Variants in TAP2 observed in about 807,000 individuals in gnomAD.
TAP2 encodes the protein antigen peptide transporter 2.
A neutral mutation model predicts 74.7 loss-of-function variants in TAP2; 49 were observed. The ratio of observed to expected loss-of-function variants is 0.66; its 90% confidence interval spans 0.52 to 0.83. TAP2 has a LOEUF of 0.83. TAP2 is among the 40% of genes least tolerant of loss of function. TAP2 has a pLI of 0.00. For synonymous variants in TAP2, 306 were observed against 368.4 expected (o/e 0.83, Z 1.94); for missense variants, 739 against 859.0 (o/e 0.86, Z 1.75).
intron 3 of TAP2, among the ~76,000 whole-genome samples, chr6:32,836,325 C>A (rs553942835): frequency 6.6e-6 from 1 of 152,290 alleles, no homozygotes; most frequent in African/African-American, 2.4e-5. Flanking sequence ...CCCTCTTAGA[C>A]CAACTACATG....
Position 32,828,680 on chromosome 6 carries a change from C to CCACCAT in TAP2, c.*225_*226insATGGTG. 2.1e-6 allele frequency: 2 copies of CCACCAT among 954,466 alleles called. No homozygotes were observed. Among genetic ancestry groups the CCACCAT allele is most frequent in the Non-Finnish European group, 2.5e-6 (2 of 790,140 alleles). The allele number at this position is 954,466 out of a possible 1,614,324, so 59.1% of individuals were successfully genotyped here. A position where few individuals can be genotyped will look rare whatever the true frequency, so the allele number is the denominator to read the frequency against. ...AAGTTTCCTGGACACAGACAGCCCC[C>CCACCAT]ACCCCACCCCACCCCACCTCTCTAC... On this transcript the variant is annotated 3_prime_UTR_variant, in exon 12 of 12. Coordinates refer to ENST00000374897, the MANE Select transcript of TAP2 (RefSeq NM_001290043.2).
intron 10 of TAP2, 152 bp from the exon 11 acceptor site, chr6:32,829,688 TG>T (rs1768919383): frequency 7.7e-7 from 1 of 1,301,454 alleles, no homozygotes; most frequent in Non-Finnish European, 1.1e-6. Flanking sequence ...GGCCATGGGG[TG>T]GGGACCTGAC....
At chr6:32,838,446 C>A (rs1399267401) in intron 1 of TAP2, among the ~76,000 whole-genome samples, 3 of 144,540 alleles carry the variant, frequency 2.1e-5, no homozygotes, top group Non-Finnish European at 4.5e-5. Context: ...GGAAGCATGA[C>A]CATCAGGAGC....
chr6:32,829,961 G>A lies in TAP2; in HGVS notation c.1764C>T (p.Phe588=), dbSNP rs1768940836. Residue 588 remains phenylalanine, a synonymous_variant, in exon 10 of 12, where the codon TTC becomes TTT. Coordinates refer to ENST00000374897, the MANE Select transcript of TAP2 (RefSeq NM_001290043.2). ...ATATTCCATGCTCCATTTCCTGGAT[G>A]AAGTCATCTGCGTGGGCAGCCTGGG... is the stretch of plus-strand genomic sequence containing the variant. ...AAAQAAHADD[F]IQEMEHGIYT... is the part of the protein sequence containing the mutation. The A allele has an allele frequency of 6.2e-7, 1 of 1,612,996 alleles. No homozygotes were observed. Among genetic ancestry groups the A allele is most frequent in the Admixed American group, 1.7e-5 (1 of 60,010 alleles).
Position 32,835,772 on chromosome 6 carries a change from A to G in TAP2, c.610T>C (p.Ser204Pro). The part of the protein sequence containing the change: ...FFMCLFSFGS[S>P]LSAGCRGGCF... ...CCTCCTCGGCAGCCTGCAGACAGTG[A>G]GCTGTGGGGTAGGAGAATAAGAGGG... Residue 204 changes from serine (S) to proline (P), a missense_variant and splice_region_variant, in exon 4 of 12, where the codon TCA becomes CCA. Physicochemically the swap from Ser to Pro is moderately conservative, Grantham distance 74 (BLOSUM62 -1). Coordinates refer to ENST00000374897, the MANE Select transcript of TAP2 (RefSeq NM_001290043.2). This position sits in a 1 kb window ranked among gnomAD's most constrained non-coding sequence, Gnocchi z 4.0. 6.2e-7 allele frequency: 1 copy of G among 1,613,130 alleles called. No homozygotes were observed. The highest frequency in any genetic ancestry group is 8.5e-7 in the Non-Finnish European group (1 of 1,180,028).
In TAP2 at chr6:32,826,168, G is replaced by A. The variant is rs1186447477; in HGVS notation, c.*2738C>T. ...TTCCCCACAAAATTCTGACAATTACGCATTTCCTGCTTGTTTCACAATTGC... is the reference window on the plus strand; with the variant it reads ...TTCCCCACAAAATTCTGACAATTACACATTTCCTGCTTGTTTCACAATTGC... On this transcript the variant is annotated 3_prime_UTR_variant, in exon 12 of 12. Coordinates refer to ENST00000374897, the MANE Select transcript of TAP2 (RefSeq NM_001290043.2). 6 of 985,228 alleles carry A rather than the reference G, an allele frequency of 6.1e-6. No homozygotes were observed. The highest frequency in any genetic ancestry group is 4.7e-5 in the South Asian group (1 of 21,292). The allele number at this position is 985,228 out of a possible 1,614,324, so 61.0% of individuals were successfully genotyped here. A position where few individuals can be genotyped will look rare whatever the true frequency, so the allele number is the denominator to read the frequency against.
chr6:32,828,649 G>T lies in TAP2; in HGVS notation c.*257C>A. On this transcript the variant is annotated 3_prime_UTR_variant, in exon 12 of 12. Transcript: ENST00000374897. ...CACCAGGCAAAGCTCTAGTCACCAGGGAATTAAGTTTCCTGGACACAGACA... is the reference window on the plus strand; with the variant it reads ...CACCAGGCAAAGCTCTAGTCACCAGTGAATTAAGTTTCCTGGACACAGACA... 8.2e-7 allele frequency: 1 copy of T among 1,213,834 alleles called. No homozygotes were observed. The allele number at this position is 1,213,834 out of a possible 1,614,324, so 75.2% of individuals were successfully genotyped here. A position where few individuals can be genotyped will look rare whatever the true frequency, so the allele number is the denominator to read the frequency against.
chr6:32,824,385 T>G (rs16870918), downstream of TAP2, among the ~76,000 whole-genome samples: 10,196 of 152,166 alleles, frequency 0.067, 671 homozygotes, highest in African/African-American at 0.18. Flanking sequence ...GTGTATCTTA[T>G]ATCTGGTTTT....
At chr6:32,829,372 C>T in intron 11 of TAP2, 28 bp downstream of exon 11, 1 of 1,575,546 alleles carries the variant, frequency 6.3e-7, no homozygotes, top group Non-Finnish European at 8.6e-7. Flanking sequence ...CCAGGCCCCA[C>T]TGTCCCCTGC....
At chr6:32,830,567 T>A (rs766318037) in intron 8 of TAP2, 51 bp downstream of exon 8, 1 of 1,611,064 alleles carries the variant, frequency 6.2e-7, no homozygotes, top group Non-Finnish European at 8.5e-7. Flanking sequence ...TGTCCAATTA[T>A]GCATTAGCAG....
In TAP2 at chr6:32,830,039, G is replaced by T; in HGVS notation, c.1686C>A (p.Asn562Lys). 1.2e-6 allele frequency: 2 copies of T among 1,613,126 alleles called. No homozygotes were observed. Among genetic ancestry groups the T allele is most frequent in the Non-Finnish European group, 1.7e-6 (2 of 1,180,036 alleles). ...EPVLFSGSVR[N>K]NIAYGLQSCE... ...AGCTCTGCAGCCCATAAGCAATGTT[G>T]TTCCTCACAGAACCGGAGAACAGCA... Residue 562 changes from asparagine to lysine, a missense_variant, in exon 10 of 12, where the codon AAC becomes AAA. Asn to Lys is a moderately conservative substitution (Grantham distance 94, BLOSUM62 0). Coordinates refer to ENST00000374897, the MANE Select transcript of TAP2 (RefSeq NM_001290043.2).
Position 32,832,542 on chromosome 6 carries a change from A to C in TAP2, c.1144-81T>G, listed in dbSNP as rs1455425986. 18 of 1,611,494 alleles carry C rather than the reference A, an allele frequency of 1.1e-5. No homozygotes were observed. The highest frequency in any genetic ancestry group is 1.4e-5 in the Non-Finnish European group (17 of 1,179,326). On this transcript the variant is annotated intron_variant, in intron 6 of 11. Transcript: ENST00000374897. The surrounding 1 kb of genome is among the most constrained non-coding windows in gnomAD (Gnocchi z 5.9). Reference sequence around the variant, plus strand: ...TCTGCCTCTATGAGACTGAGCTGCAAAGGCCTCTAGAACCAGCTGTAGTTT... The same window carrying C: ...TCTGCCTCTATGAGACTGAGCTGCACAGGCCTCTAGAACCAGCTGTAGTTT...
At position 32,828,679 on chromosome 6, in the gene TAP2, C is replaced by CACCTCACCA. The variant is rs28381590; in HGVS notation, c.*226_*227insTGGTGAGGT. ...TAAGTTTCCTGGACACAGACAGCCC[C>CACCTCACCA]CACCCCACCCCACCCCACCTCTCTA... On this transcript the variant is annotated 3_prime_UTR_variant, in exon 12 of 12. Transcript: ENST00000374897. The CACCTCACCA allele has an allele frequency of 3.2e-6, 3 of 948,730 alleles. 1 individual carries two copies. The highest frequency in any genetic ancestry group is 1.8e-5 in the African/African-American group (1 of 56,752). 58.8% of individuals were successfully genotyped at this position (948,730 alleles called of 1,614,324 possible). A position where few individuals can be genotyped will look rare whatever the true frequency, so the allele number is the denominator to read the frequency against.
chr6:32,827,397 G>T lies in TAP2; in HGVS notation c.*1509C>A. 1.1e-6 allele frequency: 1 copy of T among 934,990 alleles called. No individual in the cohort carries two copies. Among genetic ancestry groups the T allele is most frequent in the Non-Finnish European group, 1.3e-6 (1 of 784,114 alleles). The allele number at this position is 934,990 out of a possible 1,614,324, so 57.9% of individuals were successfully genotyped here. On this transcript the variant is annotated 3_prime_UTR_variant, in exon 12 of 12. Coordinates refer to ENST00000374897, the MANE Select transcript of TAP2 (RefSeq NM_001290043.2). ...CCCTCGGCCAGGTAGCAGATATAAA[G>T]CTTAATAAGATATATGGCTTTCCGC...
intron 7 of TAP2, among the ~76,000 whole-genome samples, chr6:32,831,073 C>T (rs528277753): frequency 6.6e-6 from 1 of 152,200 alleles, no homozygotes; most frequent in Non-Finnish European, 1.5e-5. Flanking sequence ...TTACTGCTTC[C>T]TATTACTTGT....
intron 1 of TAP2, 87 bp downstream of exon 1, chr6:32,838,566 A>T: frequency 3.2e-6 from 1 of 311,036 alleles, no homozygotes; most frequent in Non-Finnish European, 5.9e-6. Context: ...CCGGGTGCAG[A>T]GGGACTGGGA....
Position 32,827,694 on chromosome 6 carries a change from G to T in TAP2, c.*1212C>A. ...GAAGGCAGAAGTTTGTCGTGGAGCT[G>T]GATACAACAGGAGAGGGTGAGACAG... On this transcript the variant is annotated 3_prime_UTR_variant, in exon 12 of 12. Coordinates refer to ENST00000374897, the MANE Select transcript of TAP2 (RefSeq NM_001290043.2). 1.1e-6 allele frequency: 1 copy of T among 945,206 alleles called. No homozygotes were observed. Among genetic ancestry groups the T allele is most frequent in the Non-Finnish European group, 1.3e-6 (1 of 793,984 alleles). The allele number at this position is 945,206 out of a possible 1,614,324, so 58.6% of individuals were successfully genotyped here. A position where few individuals can be genotyped will look rare whatever the true frequency, so the allele number is the denominator to read the frequency against.
intron 10 of TAP2, 92 bp from the exon 11 acceptor site, chr6:32,829,628 G>T: frequency 1.3e-6 from 2 of 1,585,052 alleles, no homozygotes; most frequent in Non-Finnish European, 8.6e-7. Context: ...CTTCCAGTAG[G>T]ACCTCGGGAG....
Position 32,828,676 on chromosome 6 carries a change from C to CGCG in TAP2, c.*229_*230insCGC. The CGCG allele has an allele frequency of 2.5e-6, 2 of 802,742 alleles. No individual in the cohort carries two copies. Among genetic ancestry groups the CGCG allele is most frequent in the Non-Finnish European group, 2.9e-6 (2 of 680,826 alleles). 49.7% of individuals were successfully genotyped at this position (802,742 alleles called of 1,614,324 possible). On this transcript the variant is annotated 3_prime_UTR_variant, in exon 12 of 12. Transcript: ENST00000374897. ...AATTAAGTTTCCTGGACACAGACAG[C>CGCG]CCCCACCCCACCCCACCCCACCTCT...
Sources: allele counts gnomAD v4.1 joint callset (sites outside exome capture counted in the v4.1 genomes callset), GRCh38; gene constraint gnomAD v4.1.1; non-coding constraint Gnocchi (gnomAD v3.1); transcripts MANE v1.5; gene names NCBI Gene and HGNC (gene_info 2026-07-23, HGNC 2026-07-21).